TMPRSS12: variants seen among roughly 807,000 people sequenced by gnomAD.
TMPRSS12 encodes transmembrane protease serine 12.
TMPRSS12 carries 25 observed loss-of-function variants against 26.0 expected under a neutral mutation model. The ratio of observed to expected loss-of-function variants is 0.96; its 90% CI spans 0.70 to 1.34. TMPRSS12 has a LOEUF of 1.34. Among genes scored for constraint, TMPRSS12 ranks in the 40% most tolerant of loss-of-function variants. The probability of loss-of-function intolerance (pLI) is 0.00; values close to 1 mark genes in which losing one functional copy is unlikely to be tolerated. For missense variants in TMPRSS12, 441 were observed against 440.1 expected (o/e 1.00, Z -0.02); for synonymous variants, 150 against 161.7 (o/e 0.93, Z 0.55).
chr12:50,882,037 A>ATATATG, intron 3 of TMPRSS12, among the ~76,000 whole-genome samples: 1 of 121,166 alleles, frequency 8.3e-6, no homozygotes, highest in African/African-American at 3.1e-5. Context: ...ATATATATAT[A>ATATATG]TATATGTTTA....
chr12:50,843,322 A>G (rs1230920167), intron 1 of TMPRSS12, among the ~76,000 whole-genome samples, 171 bp downstream of exon 1: 1 of 152,210 alleles, frequency 6.6e-6, no homozygotes, highest in African/African-American at 2.4e-5. Context: ...GTAATAGTGA[A>G]ATGACACATT....
chr12:50,878,964 G>A (rs565717979), intron 3 of TMPRSS12, among the ~76,000 whole-genome samples: 44 of 152,310 alleles, frequency 2.9e-4, no homozygotes, highest in African/African-American at 1.0e-3. Context: ...CTTCCACCAC[G>A]TAAGGATACA....
chr12:50,872,172 C>A (rs1031996038), intron 3 of TMPRSS12, among the ~76,000 whole-genome samples: 1 of 152,160 alleles, frequency 6.6e-6, no homozygotes, highest in Non-Finnish European at 1.5e-5. Context: ...TTCGCAATTG[C>A]AGAATCGTGG....
intron 2 of TMPRSS12, among the ~76,000 whole-genome samples, chr12:50,849,455 G>A (rs931093454): frequency 3.3e-5 from 5 of 152,142 alleles, no homozygotes; most frequent in Non-Finnish European, 5.9e-5. Context: ...TTTTGACAGT[G>A]TAGATAGTCA....
intron 2 of TMPRSS12, among the ~76,000 whole-genome samples, chr12:50,853,862 G>A (rs527753340): frequency 1.3e-5 from 2 of 152,130 alleles, no homozygotes; most frequent in African/African-American, 4.8e-5. Context: ...AAAAAGTCCT[G>A]GACCAGAAGG....
chr12:50,845,875 C>T (rs1461263553), intron 2 of TMPRSS12, among the ~76,000 whole-genome samples: 1 of 152,140 alleles, frequency 6.6e-6, no homozygotes, highest in East Asian at 1.9e-4. Flanking sequence ...ATTTCCATTT[C>T]CCAAATTACT....
chr12:50,882,517 A>G (rs1042186239), intron 3 of TMPRSS12, among the ~76,000 whole-genome samples: 1 of 152,082 alleles, frequency 6.6e-6, no homozygotes, highest in Admixed American at 6.5e-5. Context: ...ACAACAAACC[A>G]CTGGTAAGAC....
intron 2 of TMPRSS12, among the ~76,000 whole-genome samples, chr12:50,850,680 C>T (rs1356476563): frequency 6.6e-6 from 1 of 152,136 alleles, no homozygotes; most frequent in African/African-American, 2.4e-5. Context: ...ACTGCACTTC[C>T]ACCACCAGTG....
chr12:50,843,717 C>T (rs1484611267), intron 1 of TMPRSS12, 125 bp from the exon 2 acceptor site: 3 of 956,332 alleles, frequency 3.1e-6, no homozygotes, highest in African/African-American at 1.7e-5. Context: ...GGCGTGTCTC[C>T]GGTATGTTAG....
intron 4 of TMPRSS12, chr12:50,886,952 T>C: frequency 3.9e-6 from 1 of 257,026 alleles, no homozygotes; most frequent in Non-Finnish European, 7.3e-6. Context: ...ACTTCCTAAA[T>C]TATATTTCTC....
At chr12:50,883,462 A>G (rs1938195033) in intron 3 of TMPRSS12, among the ~76,000 whole-genome samples, 1 of 152,188 alleles carries the variant, frequency 6.6e-6, no homozygotes, top group South Asian at 2.1e-4. Flanking sequence ...CCAAGGCAGG[A>G]GAATTGCTTG....
intron 3 of TMPRSS12, among the ~76,000 whole-genome samples, chr12:50,877,906 G>C (rs1938127468): frequency 6.6e-6 from 1 of 152,100 alleles, no homozygotes; most frequent in African/African-American, 2.4e-5. Flanking sequence ...CACCATGCCC[G>C]GCCCATAATA....
chr12:50,887,556 CCTTT>C lies in TMPRSS12; in HGVS notation c.*46_*49del, dbSNP rs760857657. ...TCATATCTTTATTTTGCATTGTGTC[CCTTT>C]CTATGTTCTATATAATGAACATCAT... On this transcript the variant is annotated 3_prime_UTR_variant, in exon 5 of 5. Transcript: ENST00000398458. 1 of 1,585,394 alleles carries C rather than the reference CCTTT, an allele frequency of 6.3e-7. No homozygotes were observed. The highest frequency in any genetic ancestry group is 2.2e-5 in the East Asian group (1 of 44,704).
chr12:50,868,970 A>T (rs1160776304), intron 3 of TMPRSS12, among the ~76,000 whole-genome samples: 1 of 152,150 alleles, frequency 6.6e-6, no homozygotes, highest in Non-Finnish European at 1.5e-5. Flanking sequence ...GAGGCAACCT[A>T]TCAAAACCTC....
rs770964354 is a variant in TMPRSS12 at position 50,885,282 on chromosome 12, A to G, written c.689A>G (p.His230Arg). The G allele has an allele frequency of 6.2e-7, 1 of 1,610,754 alleles. No homozygotes were observed. The highest frequency in any genetic ancestry group is 8.5e-7 in the Non-Finnish European group (1 of 1,179,026). ...AATATTTTACAAGATGCAGAAGTGC[A>G]TTATATTTCTCGAGAGATGTGTAAT... ...ATNILQDAEVHYISREMCNSE... is the reference protein window; with the variant it reads ...ATNILQDAEVRYISREMCNSE... Residue 230 changes from histidine (H) to arginine (R), a missense_variant, in exon 4 of 5, where the codon CAT (histidine) becomes CGT (arginine). Transcript: ENST00000398458.
chr12:50,856,515 A>G (rs530188816), intron 2 of TMPRSS12, among the ~76,000 whole-genome samples: 10 of 152,182 alleles, frequency 6.6e-5, no homozygotes, highest in South Asian at 6.2e-4. Flanking sequence ...TTTGTTTCCA[A>G]TTTGGTCAAT....
At chr12:50,877,290 G>T (rs1015792666) in intron 3 of TMPRSS12, among the ~76,000 whole-genome samples, 1 of 152,166 alleles carries the variant, frequency 6.6e-6, no homozygotes, top group African/African-American at 2.4e-5. Context: ...TAAAGAATAA[G>T]CTAACCATCC....
rs1471206842 is a variant in TMPRSS12 at position 50,872,639 on chromosome 12, C to T, written c.653-12607C>T. On this transcript the variant is annotated intron_variant, in intron 3 of 4. Transcript: ENST00000398458. ...GACGTATATATGTACATATATATGA[C>T]GTATATGTACATATATGACGTATAT... Among the ~76,000 whole-genome samples the T allele has an allele frequency of 2.1e-4, 17 of 79,172 alleles. 2 individuals are homozygous for T. The highest frequency in any genetic ancestry group is 2.7e-4 in the African/African-American group (6 of 22,304). The allele number at this position is 79,172 out of a possible 152,430, so 51.9% of individuals were successfully genotyped here.
intron 2 of TMPRSS12, among the ~76,000 whole-genome samples, chr12:50,858,216 A>G (rs1937900281): frequency 1.3e-5 from 2 of 152,194 alleles, no homozygotes; most frequent in Admixed American, 1.3e-4. Flanking sequence ...AAAAAATTAT[A>G]AAAGTAGAGG....
Sources: allele counts gnomAD v4.1 joint callset (sites outside exome capture counted in the v4.1 genomes callset), GRCh38; gene constraint gnomAD v4.1.1; transcripts MANE v1.5; gene names NCBI Gene and HGNC (gene_info 2026-07-23, HGNC 2026-07-21).